The following RIMS2 variants were observed in gnomAD, a reference collection of about 807,000 sequenced individuals.
RIMS2 encodes the protein regulating synaptic membrane exocytosis protein 2.
A neutral mutation model predicts 174.4 loss-of-function variants in RIMS2; 59 were observed. The ratio of observed to expected loss-of-function variants is 0.34; its 90% CI spans 0.27 to 0.42. The LOEUF (loss-of-function observed/expected upper bound fraction) is 0.42, where lower values mean the gene tolerates loss of function less well. Ranked by LOEUF, RIMS2 falls within the 10% of genes least tolerant of loss-of-function variation. The pLI, the probability that RIMS2 is intolerant of heterozygous loss-of-function variation, is 1.00. For synonymous variants in RIMS2, 606 were observed against 572.5 expected, an observed-to-expected ratio of 1.06 and a Z score of -0.84; for missense variants, 1,620 against 1,666.3, an observed-to-expected ratio of 0.97 and a Z score of 0.48.
At chr8:103,811,388 T>C (rs1189577093) in intron 3 of RIMS2, among the ~76,000 whole-genome samples, 2 of 152,200 alleles carry the variant, frequency 1.3e-5, no homozygotes, top group Non-Finnish European at 2.9e-5. Context: ...AACTAACTCT[T>C]GTATTCAACA....
intron 1 of RIMS2, among the ~76,000 whole-genome samples, chr8:103,647,896 A>ATTTTTTTTTTT (rs71297225): frequency 7.9e-5 from 9 of 114,570 alleles, no homozygotes; most frequent in Non-Finnish European, 1.3e-4. Flanking sequence ...TTTTTTTTTG[A>ATTTTTTTTTTT]TTTTTTTTTT....
At chr8:104,038,300 A>G (rs1217973001) in intron 19 of RIMS2, among the ~76,000 whole-genome samples, 4 of 151,876 alleles carry the variant, frequency 2.6e-5, no homozygotes, top group Non-Finnish European at 5.9e-5. Flanking sequence ...AAAATACCGC[A>G]CTTGTTTTTG....
intron 19 of RIMS2, among the ~76,000 whole-genome samples, chr8:104,180,862 A>G (rs1420449801): frequency 2.0e-5 from 3 of 151,758 alleles, no homozygotes; most frequent in Non-Finnish European, 4.4e-5. Context: ...ATGTTTATTA[A>G]GGGCTTTTAT....
chr8:104,014,517 G>C (rs377554442), exon 19 of RIMS2: 1 of 1,604,192 alleles, frequency 6.2e-7, no homozygotes, highest in Admixed American at 1.7e-5. Flanking sequence ...TCTCATCCTC[G>C]TACTGGGTCT....
chr8:103,805,507 T>C (rs1176405976), intron 3 of RIMS2, among the ~76,000 whole-genome samples: 1 of 152,146 alleles, frequency 6.6e-6, no homozygotes, highest in African/African-American at 2.4e-5. Flanking sequence ...TTTGACACAG[T>C]TGGAAATTTT....
chr8:104,161,183 T>C (rs981955017), intron 19 of RIMS2, among the ~76,000 whole-genome samples: 1 of 152,166 alleles, frequency 6.6e-6, no homozygotes, highest in Non-Finnish European at 1.5e-5. Context: ...TCATTAATAT[T>C]ATTATTATAT....
chr8:103,518,057 C>T (rs1174382236), intron 1 of RIMS2, among the ~76,000 whole-genome samples: 1 of 151,948 alleles, frequency 6.6e-6, no homozygotes, highest in African/African-American at 2.4e-5. Flanking sequence ...GACATGCAGG[C>T]AGCCTGCCCA....
intron 1 of RIMS2, chr8:103,501,276 T>A: frequency 3.4e-6 from 1 of 291,172 alleles, no homozygotes; most frequent in Non-Finnish European, 6.2e-6. Context: ...CAAGGCCGGC[T>A]GAGGTGAGGG....
Position 103,936,729 on chromosome 8 carries a change from G to T in RIMS2, c.2547+7G>T. 6.3e-7 allele frequency: 1 copy of T among 1,592,444 alleles called. No individual in the cohort carries two copies. The highest frequency in any genetic ancestry group is 1.1e-5 in the South Asian group (1 of 87,290). ...AAGTGAATTCTTAGGCGAGGTATCT[G>T]GAGTTGTTTTAAAGTTTATGCTATT... On this transcript the variant is annotated splice_region_variant and intron_variant, in intron 13 of 23. Transcript: ENST00000504942.
At position 103,572,530 on chromosome 8, in the gene RIMS2, A is replaced by G. The variant is rs567996986; in HGVS notation, c.176+71468A>G. On this transcript the variant is annotated intron_variant, in intron 1 of 23. Transcript: ENST00000504942. ...ACATTCACACCAACAGTATGTAAGC[A>G]TTCCTTTTTCTCTGCAGCATTGCCA... 8.6e-5 allele frequency among the ~76,000 whole-genome samples: 13 copies of G among 151,286 alleles called. No individual in the cohort carries two copies. The East Asian group carries it at 1.9e-3, about 23-fold the overall frequency.
At chr8:103,745,615 C>G (rs1446179078) in intron 2 of RIMS2, among the ~76,000 whole-genome samples, 1 of 152,188 alleles carries the variant, frequency 6.6e-6, no homozygotes, top group Non-Finnish European at 1.5e-5. Flanking sequence ...ATCCTCACAT[C>G]TTCACCAACA....
At chr8:103,695,087 C>G (rs2097082972) in intron 1 of RIMS2, among the ~76,000 whole-genome samples, 2 of 152,192 alleles carry the variant, frequency 1.3e-5, no homozygotes, top group Non-Finnish European at 2.9e-5. Flanking sequence ...CTTTTTCCCC[C>G]TAGCGATGAG....
At chr8:104,030,982 A>T (rs1199651810) in intron 19 of RIMS2, among the ~76,000 whole-genome samples, 2 of 152,114 alleles carry the variant, frequency 1.3e-5, no homozygotes, top group Non-Finnish European at 2.9e-5. Context: ...TGCCTGGATT[A>T]TAGTAGGTGC....
At chr8:103,515,685 T>G (rs574596494) in intron 1 of RIMS2, among the ~76,000 whole-genome samples, 39 of 152,254 alleles carry the variant, frequency 2.6e-4, no homozygotes, top group African/African-American at 8.9e-4. Flanking sequence ...AATAAAATAT[T>G]ACTTGAATTT....
chr8:103,919,325 A>G (rs981141845), intron 9 of RIMS2, among the ~76,000 whole-genome samples: 2 of 152,206 alleles, frequency 1.3e-5, no homozygotes, highest in African/African-American at 4.8e-5. Context: ...AGGAAATTCA[A>G]CGAGGCCAGT....
At chr8:103,990,103 G>A (rs2094588604) in intron 17 of RIMS2, among the ~76,000 whole-genome samples, 1 of 152,078 alleles carries the variant, frequency 6.6e-6, no homozygotes, top group Non-Finnish European at 1.5e-5. Context: ...GGTTATACAT[G>A]AAGTAAATGC....
exon 2 of RIMS2, chr8:103,697,094 A>C (rs765258226): frequency 1.9e-6 from 3 of 1,608,606 alleles, no homozygotes; most frequent in South Asian, 2.2e-5. Flanking sequence ...AGAAAACTGC[A>C]TCAGCAGTTT....
At chr8:104,063,683 C>G (rs2097049124) in intron 19 of RIMS2, among the ~76,000 whole-genome samples, 1 of 152,100 alleles carries the variant, frequency 6.6e-6, no homozygotes, top group African/African-American at 2.4e-5. Context: ...TAAGAGTTTT[C>G]CCTTGTAAGA....
chr8:103,584,894 C>A (rs2093820632), intron 1 of RIMS2, among the ~76,000 whole-genome samples: 1 of 143,550 alleles, frequency 7.0e-6, no homozygotes, highest in African/African-American at 2.6e-5. Context: ...TCAGTAATAA[C>A]ATTGAATGTA....
Sources: gnomAD v4.1 joint callset for allele counts (sites outside exome capture counted in the v4.1 genomes callset) on GRCh38, gnomAD v4.1.1 for gene constraint, MANE v1.5 for transcripts, NCBI Gene and HGNC (gene_info 2026-07-23, HGNC 2026-07-21) for gene names.